Variants in SLC35A3 observed in about 807,000 individuals in gnomAD.
SLC35A3 encodes UDP-N-acetylglucosamine transporter.
A neutral mutation model predicts 39.0 loss-of-function variants in SLC35A3; 26 were observed. The observed-to-expected ratio is 0.67, with a 90% CI of 0.49 to 0.92. The LOEUF (loss-of-function observed/expected upper bound fraction) is 0.92, where lower values mean the gene tolerates loss of function less well. Among genes scored for constraint, SLC35A3 ranks in the 40% least tolerant of loss-of-function variants. The pLI is 0.00. For synonymous variants in SLC35A3, 135 were observed against 133.1 expected (o/e 1.01, Z -0.10); for missense variants, 299 against 371.6 (o/e 0.80, Z 1.61).
intron 1 of SLC35A3, among the ~76,000 whole-genome samples, chr1:99,978,539 TAAAATAAG>T (rs1214022787): frequency 6.6e-6 from 1 of 151,926 alleles, no homozygotes; most frequent in Non-Finnish European, 1.5e-5. Flanking sequence ...AAATATAAAA[TAAAATAAG>T]AAAATAAGAA....
chr1:100,010,858 C>T (rs916280166), intron 4 of SLC35A3, among the ~76,000 whole-genome samples: 1 of 152,172 alleles, frequency 6.6e-6, no homozygotes, highest in African/African-American at 2.4e-5. Flanking sequence ...CAACACATTT[C>T]GTTTCCAGTG....
At chr1:100,008,345 A>C (rs1659388564) in intron 4 of SLC35A3, 1 of 152,246 alleles carries the variant, frequency 6.6e-6, no homozygotes, top group Admixed American at 6.5e-5. Flanking sequence ...GGTAAGCTAA[A>C]GTAGGCATTG....
At chr1:100,010,662 C>G (rs1393780834) in intron 4 of SLC35A3, among the ~76,000 whole-genome samples, 1 of 152,040 alleles carries the variant, frequency 6.6e-6, no homozygotes, top group Non-Finnish European at 1.5e-5. Context: ...GCACTCCAGC[C>G]TGGGTGACAA....
intron 6 of SLC35A3, among the ~76,000 whole-genome samples, chr1:100,016,697 C>G (rs1215879936): frequency 6.6e-6 from 1 of 151,854 alleles, no homozygotes; most frequent in African/African-American, 2.4e-5. Context: ...TTTAAGATAG[C>G]AGAAAAGGAA....
intron 1 of SLC35A3, among the ~76,000 whole-genome samples, chr1:99,977,743 T>C (rs139074199): frequency 9.8e-4 from 149 of 152,286 alleles, no homozygotes; most frequent in African/African-American, 3.3e-3. Context: ...CCGACTATGT[T>C]GCCCAGGCTG....
chr1:99,970,709 T>C (rs1656756610), intron 1 of SLC35A3: 1 of 1,080,768 alleles, frequency 9.3e-7, no homozygotes, highest in Non-Finnish European at 1.4e-6. Context: ...AACAGGTGTG[T>C]GGGTGCATTG....
rs747574982 is a variant in SLC35A3 at position 99,993,661 on chromosome 1, G to A, written c.107G>A (p.Arg36His). 7.4e-6 allele frequency: 12 copies of A among 1,613,758 alleles called. No homozygotes were observed. Among genetic ancestry groups the A allele is most frequent in the East Asian group, 2.2e-5 (1 of 44,848 alleles). ...YSRTLKEEGPRYLSSTAVVVA... is the reference protein window; with the variant it reads ...YSRTLKEEGPHYLSSTAVVVA... ...AGAACTTTAAAAGAAGAAGGACCTCGTTATCTATCTTCTACAGCAGTGGTT... is the reference window on the plus strand; with the variant it reads ...AGAACTTTAAAAGAAGAAGGACCTCATTATCTATCTTCTACAGCAGTGGTT... Residue 36 changes from arginine (R) to histidine (H), a missense_variant, in exon 2 of 8, where the codon CGT becomes CAT. Physicochemically the swap from Arg to His is conservative, Grantham distance 29. Coordinates refer to ENST00000533028, the MANE Select transcript of SLC35A3 (RefSeq NM_012243.3).
chr1:99,995,791 G>A (rs1658369583), intron 2 of SLC35A3, among the ~76,000 whole-genome samples: 1 of 152,182 alleles, frequency 6.6e-6, no homozygotes, highest in Non-Finnish European at 1.5e-5. Flanking sequence ...TATACTAGAA[G>A]AGGAGAAGGC....
chr1:99,978,010 G>A (rs1657223029), intron 1 of SLC35A3, among the ~76,000 whole-genome samples: 1 of 152,152 alleles, frequency 6.6e-6, no homozygotes, highest in Non-Finnish European at 1.5e-5. Context: ...CTGAGATTGA[G>A]CAATAAATTA....
At chr1:99,998,323 T>TA (rs898530870) in intron 2 of SLC35A3, among the ~76,000 whole-genome samples, 13 of 151,894 alleles carry the variant, frequency 8.6e-5, no homozygotes, top group Admixed American at 4.6e-4. Flanking sequence ...CCCAGCTAGT[T>TA]AAAAAAAAAT....
chr1:100,010,911 T>C (rs1366484989), intron 4 of SLC35A3, among the ~76,000 whole-genome samples: 2 of 152,132 alleles, frequency 1.3e-5, no homozygotes, highest in Admixed American at 1.3e-4. Flanking sequence ...TGGACTGTCT[T>C]TTCCTGACAG....
At chr1:99,979,958 C>T (rs564770783) in intron 1 of SLC35A3, among the ~76,000 whole-genome samples, 10 of 151,834 alleles carry the variant, frequency 6.6e-5, no homozygotes, top group Admixed American at 3.3e-4. Flanking sequence ...GCAGGAGAAT[C>T]GCTTGAACCC....
rs1423913292 is a variant in SLC35A3 at position 100,033,460 on chromosome 1, ATCTT to A, written c.*10987_*10990del. 6.6e-6 allele frequency: 1 copy of A among 152,028 alleles called. No individual in the cohort carries two copies. Among genetic ancestry groups the A allele is most frequent in the Non-Finnish European group, 1.5e-5 (1 of 67,992 alleles). 9.4% of individuals were successfully genotyped at this position (152,028 alleles called of 1,614,324 possible). On this transcript the variant is annotated 3_prime_UTR_variant, in exon 8 of 8. Transcript: ENST00000533028. ...AAGTATTTTCTTAGTTTTCCAATTT[ATCTT>A]TCATGTGTTTCTTTTTAAAAAGCAA...
intron 5 of SLC35A3, among the ~76,000 whole-genome samples, chr1:100,013,915 G>A (rs978547512): frequency 6.6e-6 from 1 of 151,918 alleles, no homozygotes; most frequent in Non-Finnish European, 1.5e-5. Flanking sequence ...ATTGCTTTAC[G>A]CTTGCACTCC....
chr1:99,970,336 G>A, intron 1 of SLC35A3, 174 bp downstream of exon 1: 1 of 569,672 alleles, frequency 1.8e-6, no homozygotes, highest in South Asian at 2.1e-5. Context: ...TAGCTAAGTA[G>A]GGGTGGGAGC....
In SLC35A3 at chr1:100,031,694, A is replaced by G. The variant is rs966883830; in HGVS notation, c.*9218A>G. 1 of 152,168 alleles carries G rather than the reference A, an allele frequency of 6.6e-6. No homozygotes were observed. The highest frequency in any genetic ancestry group is 1.5e-5 in the Non-Finnish European group (1 of 68,040). The allele number at this position is 152,168 out of a possible 1,614,324, so 9.4% of individuals were successfully genotyped here. On this transcript the variant is annotated 3_prime_UTR_variant, in exon 8 of 8. Coordinates refer to ENST00000533028, the MANE Select transcript of SLC35A3 (RefSeq NM_012243.3). Reference sequence around the variant, plus strand: ...CATATAAGTGGACCCATGCAGTTCAAATCTGTTGTTCAAGAGTCAACTGTA... The same window carrying G: ...CATATAAGTGGACCCATGCAGTTCAGATCTGTTGTTCAAGAGTCAACTGTA...
chr1:99,998,264 C>T (rs1658541896), intron 2 of SLC35A3, among the ~76,000 whole-genome samples: 1 of 151,708 alleles, frequency 6.6e-6, no homozygotes, highest in Admixed American at 6.6e-5. Flanking sequence ...AGTTGATCCT[C>T]CTGCCTCAGC....
chr1:99,992,765 T>TA (rs1235472529), intron 1 of SLC35A3, among the ~76,000 whole-genome samples: 1 of 135,048 alleles, frequency 7.4e-6, no homozygotes, highest in Non-Finnish European at 1.6e-5. Context: ...TAAATATACT[T>TA]ACTTTGGATT....
chr1:100,001,749 A>C (rs1658826166), intron 3 of SLC35A3, among the ~76,000 whole-genome samples: 1 of 152,074 alleles, frequency 6.6e-6, no homozygotes, highest in South Asian at 2.1e-4. Flanking sequence ...TTCCGCATTC[A>C]GTATGATATT....
Sources: allele counts gnomAD v4.1 joint callset (sites outside exome capture counted in the v4.1 genomes callset), GRCh38; gene constraint gnomAD v4.1.1; transcripts MANE v1.5; gene names NCBI Gene and HGNC (gene_info 2026-07-23, HGNC 2026-07-21).